SEMA6A: variants seen among roughly 807,000 people sequenced by gnomAD.
SEMA6A encodes semaphorin-6A.
A neutral mutation model predicts 96.8 loss-of-function variants in SEMA6A; 25 were observed. That is an observed-to-expected ratio of 0.26 (90% confidence interval 0.19 to 0.36). The LOEUF is 0.36. Ranked by LOEUF, SEMA6A falls within the 10% of genes least tolerant of loss-of-function variation. The pLI is 1.00. For synonymous variants in SEMA6A, 612 were observed against 518.0 expected, an observed-to-expected ratio of 1.18 and a Z score of -2.46; for missense variants, 1,363 against 1,323.1, an observed-to-expected ratio of 1.03 and a Z score of -0.47.
intron 2 of SEMA6A, chr5:116,502,671 TAGAGCTA>T (rs1757943668): frequency 4.7e-6 from 1 of 214,138 alleles, no homozygotes; most frequent in African/African-American, 2.3e-5. Flanking sequence ...TCATCTTCTG[TAGAGCTA>T]AGCCTGAGGG....
intron 6 of SEMA6A, among the ~76,000 whole-genome samples, chr5:116,494,852 C>T (rs1580434451): frequency 6.6e-6 from 1 of 152,230 alleles, no homozygotes; most frequent in East Asian, 1.9e-4. Context: ...ATCAGCACCT[C>T]TGTTAGCTGC....
At chr5:116,545,641 T>A (rs1760156593) in intron 1 of SEMA6A, among the ~76,000 whole-genome samples, 1 of 152,202 alleles carries the variant, frequency 6.6e-6, no homozygotes, top group Non-Finnish European at 1.5e-5. Flanking sequence ...GAGCACCCTT[T>A]CTGCAGAAAG....
At chr5:116,572,903 C>T (rs545731239) in intron 1 of SEMA6A, among the ~76,000 whole-genome samples, 1 of 152,304 alleles carries the variant, frequency 6.6e-6, no homozygotes, top group South Asian at 2.1e-4. Flanking sequence ...GGTCTAGTGA[C>T]CCCGCCGCTG....
At chr5:116,507,533 C>T (rs1327202352) in intron 1 of SEMA6A, among the ~76,000 whole-genome samples, 1 of 152,162 alleles carries the variant, frequency 6.6e-6, no homozygotes, top group African/African-American at 2.4e-5. Context: ...AGTTTATAAA[C>T]CTTGAGTGAG....
At chr5:116,548,553 AG>A (rs1235716897) in intron 1 of SEMA6A, among the ~76,000 whole-genome samples, 9 of 152,158 alleles carry the variant, frequency 5.9e-5, no homozygotes, top group Admixed American at 5.9e-4. Flanking sequence ...ACCACGGAAA[AG>A]TTATTGTTGT....
At position 116,446,986 on chromosome 5, in the gene SEMA6A, T is replaced by C. The variant is rs778889047; in HGVS notation, c.2720A>G (p.His907Arg). The change falls in exon 19 of 19, where the codon CAC (histidine) becomes CGC (arginine). Residue 907 changes from histidine (H) to arginine (R), a missense_variant. By Grantham distance (29) the His-to-Arg change is conservative. Around this residue, in one of 2 missense-constraint regions of SEMA6A, gnomAD observed 883 missense variants for 763.6 expected, o/e 1.16. Transcript: ENST00000343348. ...GTCAACCCCGTAGGAAGAGGAGTGG[T>C]GCATTTCCAGCCGCTTGCTTAGACC... ...QTGLSKRLEM[H>R]HSSSYGVDYK... The C allele has an allele frequency of 6.2e-7, 1 of 1,613,816 alleles. No individual in the cohort carries two copies. Among genetic ancestry groups the C allele is most frequent in the Non-Finnish European group, 8.5e-7 (1 of 1,179,842 alleles).
chr5:116,491,096 C>A (rs994854610), intron 7 of SEMA6A, among the ~76,000 whole-genome samples: 1 of 152,176 alleles, frequency 6.6e-6, no homozygotes, highest in Non-Finnish European at 1.5e-5. Context: ...GGTGTGTAAC[C>A]TAATCAGGTC....
At chr5:116,455,822 C>A (rs887387849) in intron 18 of SEMA6A, among the ~76,000 whole-genome samples, 1 of 152,122 alleles carries the variant, frequency 6.6e-6, no homozygotes, top group Non-Finnish European at 1.5e-5. Flanking sequence ...CCTGGGTTTG[C>A]GTGTTGGCTC....
At chr5:116,450,819 C>G (rs1038530487) in intron 18 of SEMA6A, among the ~76,000 whole-genome samples, 1 of 152,046 alleles carries the variant, frequency 6.6e-6, no homozygotes, top group Non-Finnish European at 1.5e-5. Flanking sequence ...CAGAAACGTC[C>G]AAAGATGGAA....
chr5:116,462,157 A>C (rs903067599), intron 18 of SEMA6A, among the ~76,000 whole-genome samples: 1 of 152,146 alleles, frequency 6.6e-6, no homozygotes, highest in Non-Finnish European at 1.5e-5. Flanking sequence ...AATCCATTAC[A>C]TTTTAAGCAT....
intron 17 of SEMA6A, chr5:116,468,089 G>C (rs1755885056): frequency 4.0e-6 from 1 of 252,394 alleles, no homozygotes; most frequent in Non-Finnish European, 7.6e-6. Flanking sequence ...AATGGTGAAA[G>C]CATCTTGCAC....
intron 3 of SEMA6A, among the ~76,000 whole-genome samples, chr5:116,498,281 G>T (rs989857374): frequency 6.6e-6 from 1 of 152,144 alleles, no homozygotes. Flanking sequence ...AAGTCCTGGG[G>T]CTGAAAAATT....
At chr5:116,493,923 C>G (rs1757454336) in intron 6 of SEMA6A, among the ~76,000 whole-genome samples, 1 of 152,102 alleles carries the variant, frequency 6.6e-6, no homozygotes, top group Non-Finnish European at 1.5e-5. Context: ...TCATACTGTG[C>G]AAAATGGAGC....
intron 10 of SEMA6A, among the ~76,000 whole-genome samples, chr5:116,486,276 C>T (rs945017420): frequency 2.0e-5 from 3 of 152,166 alleles, no homozygotes; most frequent in African/African-American, 4.8e-5. Context: ...AGGTACTGAT[C>T]CCGTCATGAG....
At chr5:116,454,791 T>TGA (rs998587773) in intron 18 of SEMA6A, among the ~76,000 whole-genome samples, 1 of 46,566 alleles carries the variant, frequency 2.1e-5, no homozygotes, top group Non-Finnish European at 3.7e-5. Flanking sequence ...TTCCTTTAAG[T>TGA]GTGTGTGTGT....
At chr5:116,449,303 G>T (rs941819379) in intron 18 of SEMA6A, 5 of 701,864 alleles carry the variant, frequency 7.1e-6, no homozygotes, top group Admixed American at 6.0e-5. Flanking sequence ...ATGATAGCAA[G>T]ACAGAAAAGG....
At chr5:116,514,344 G>A (rs926537073) in intron 1 of SEMA6A, among the ~76,000 whole-genome samples, 1 of 151,976 alleles carries the variant, frequency 6.6e-6, no homozygotes, top group African/African-American at 2.4e-5. Context: ...GTATCTGATT[G>A]TGGTTTTGAT....
chr5:116,488,115 A>T lies in SEMA6A; in HGVS notation c.737T>A (p.Met246Lys). The T allele has an allele frequency of 6.2e-7, 1 of 1,603,642 alleles. No homozygotes were observed. The highest frequency in any genetic ancestry group is 1.1e-5 in the South Asian group (1 of 90,170). The change falls in exon 9 of 19, where the codon ATG (methionine) becomes AAG (lysine). Residue 246 changes from methionine (M) to lysine (K), a missense_variant. By Grantham distance (95) the Met-to-Lys change is moderately conservative. This residue lies in a region of SEMA6A where 480 missense variants were observed against 559.5 expected (regional missense o/e 0.86). Transcript: ENST00000343348. The part of the protein sequence containing the change: ...FREIAVEYNT[M>K]GKVVFPRVAQ... ...GACAGCATCCCCTCTTACCTTTCCC[A>T]TGGTGTTATACTCCACTGCTATTTC...
intron 18 of SEMA6A, among the ~76,000 whole-genome samples, chr5:116,459,066 C>G (rs984286881): frequency 6.6e-5 from 10 of 152,136 alleles, no homozygotes; most frequent in African/African-American, 2.4e-4. Context: ...TAAAAATAAA[C>G]AGTGGCATCC....
Sources: gnomAD v4.1 joint callset for allele counts (sites outside exome capture counted in the v4.1 genomes callset) on GRCh38, gnomAD v4.1.1 for gene constraint, gnomAD v4.1.1 regional missense constraint, MANE v1.5 for transcripts, NCBI Gene and HGNC (gene_info 2026-07-23, HGNC 2026-07-21) for gene names.